HDAC9: variants seen among roughly 807,000 people sequenced by gnomAD.
The protein encoded by HDAC9 is MEF-2 interacting transcription repressor (MITR) protein.
In HDAC9, 41 loss-of-function variants were observed where a neutral mutation model predicts 139.4. That is an observed-to-expected ratio of 0.29 (90% CI 0.23 to 0.38). HDAC9 has a LOEUF of 0.38. HDAC9 is among the 10% of genes least tolerant of loss of function. The pLI is 1.00. For missense variants in HDAC9, 1,147 were observed against 1,297.0 expected (o/e 0.88, Z 1.78); for synonymous variants, 517 against 476.2 (o/e 1.09, Z -1.12).
intron 1 of HDAC9, among the ~76,000 whole-genome samples, chr7:18,346,762 A>C (rs1186632853): frequency 2.0e-5 from 3 of 152,142 alleles, no homozygotes; most frequent in African/African-American, 7.2e-5. Flanking sequence ...GGTATGGTTT[A>C]TTGATGATTC....
At chr7:18,933,786 TAAAC>T (rs539136699) in intron 22 of HDAC9, among the ~76,000 whole-genome samples, 6 of 152,130 alleles carry the variant, frequency 3.9e-5, no homozygotes, top group African/African-American at 1.4e-4. Context: ...AATAAAAACA[TAAAC>T]AAGGAGTTAA....
At chr7:18,836,860 T>C (rs988612985) in intron 21 of HDAC9, among the ~76,000 whole-genome samples, 3 of 152,042 alleles carry the variant, frequency 2.0e-5, no homozygotes, top group African/African-American at 7.2e-5. Context: ...ATTTTTTATT[T>C]AGTTGAAAGC....
At chr7:18,557,954 C>G (rs1819388638) in intron 2 of HDAC9, among the ~76,000 whole-genome samples, 1 of 151,786 alleles carries the variant, frequency 6.6e-6, no homozygotes, top group Non-Finnish European at 1.5e-5. Context: ...ATATAGGAAA[C>G]CTAGAATAAA....
chr7:18,124,543 A>T (rs1784540899), intron 1 of HDAC9, among the ~76,000 whole-genome samples: 1 of 152,164 alleles, frequency 6.6e-6, no homozygotes, highest in Non-Finnish European at 1.5e-5. Flanking sequence ...TTATGTTTTT[A>T]CATGATTCCA....
intron 18 of HDAC9, 122 bp downstream of exon 18, chr7:18,829,338 C>G: frequency 8.9e-7 from 1 of 1,117,902 alleles, no homozygotes; most frequent in Non-Finnish European, 1.4e-6. Flanking sequence ...GCGAGGTACT[C>G]CCAGAAGCAG....
At chr7:18,580,894 T>A (rs756961211) in intron 2 of HDAC9, among the ~76,000 whole-genome samples, 1 of 152,214 alleles carries the variant, frequency 6.6e-6, no homozygotes, top group African/African-American at 2.4e-5. Flanking sequence ...GGTATTGTGT[T>A]ACTATTATTT....
chr7:18,357,182 C>T (rs1170026309), intron 1 of HDAC9, among the ~76,000 whole-genome samples: 1 of 152,030 alleles, frequency 6.6e-6, no homozygotes, highest in Non-Finnish European at 1.5e-5. Flanking sequence ...TTTTAGGTCC[C>T]CCTCACTATG....
intron 2 of HDAC9, among the ~76,000 whole-genome samples, chr7:18,576,555 G>A (rs551428998): frequency 5.9e-5 from 9 of 151,892 alleles, no homozygotes; most frequent in African/African-American, 2.2e-4. Flanking sequence ...CCAGCTACTC[G>A]GGAGGCTGAT....
intron 16 of HDAC9, among the ~76,000 whole-genome samples, chr7:18,782,429 C>A (rs1791323888): frequency 6.6e-6 from 1 of 152,032 alleles, no homozygotes. Context: ...CATCCACTTT[C>A]AGGACAGGTA....
intron 1 of HDAC9, among the ~76,000 whole-genome samples, chr7:18,455,053 T>C (rs1793218134): frequency 1.3e-5 from 2 of 152,104 alleles, no homozygotes; most frequent in Non-Finnish European, 2.9e-5. Context: ...TTTTTCTTTC[T>C]TTTTTCTTTT....
chr7:18,602,584 C>T (rs1834273816), intron 6 of HDAC9, among the ~76,000 whole-genome samples: 1 of 151,842 alleles, frequency 6.6e-6, no homozygotes, highest in South Asian at 2.1e-4. Context: ...ATACACAATG[C>T]TATAAATTTG....
chr7:18,873,091 T>C (rs1471568370), intron 21 of HDAC9, among the ~76,000 whole-genome samples: 1 of 152,186 alleles, frequency 6.6e-6, no homozygotes, highest in African/African-American at 2.4e-5. Flanking sequence ...GTGAATTTAT[T>C]ATGTGTGACA....
At chr7:18,285,771 C>T (rs1797400013), upstream of HDAC9, among the ~76,000 whole-genome samples, 1 of 152,080 alleles carries the variant, frequency 6.6e-6, no homozygotes, top group South Asian at 2.1e-4. Context: ...CATATTTAGA[C>T]ACTTTGTGTT....
chr7:18,637,623 C>T (rs1028591299), intron 8 of HDAC9, among the ~76,000 whole-genome samples: 2 of 152,016 alleles, frequency 1.3e-5, no homozygotes, highest in Non-Finnish European at 1.5e-5. Flanking sequence ...TCTGGAAAGA[C>T]GAGTTCAAAA....
chr7:18,535,655 G>T (rs890184040), intron 2 of HDAC9, among the ~76,000 whole-genome samples: 2 of 138,266 alleles, frequency 1.4e-5, no homozygotes, highest in African/African-American at 5.5e-5. Context: ...ATCAGAAATG[G>T]CTTTGAAACA....
At chr7:18,359,433 T>C (rs961334107) in intron 1 of HDAC9, among the ~76,000 whole-genome samples, 3 of 152,204 alleles carry the variant, frequency 2.0e-5, no homozygotes, top group Non-Finnish European at 4.4e-5. Context: ...CAAACTATCT[T>C]CTTACTTCTT....
intron 1 of HDAC9, among the ~76,000 whole-genome samples, chr7:18,443,703 A>G (rs1157219364): frequency 6.6e-6 from 1 of 152,224 alleles, no homozygotes; most frequent in East Asian, 1.9e-4. Context: ...TTTGTAAAAT[A>G]GAATTCAAGA....
intron 22 of HDAC9, among the ~76,000 whole-genome samples, chr7:18,913,386 T>A (rs1179106811): frequency 1.3e-5 from 2 of 152,130 alleles, no homozygotes; most frequent in East Asian, 3.9e-4. Flanking sequence ...ATCTATCTGA[T>A]GATTATTTAA....
At chr7:18,134,514 C>CAGT (rs1380005308) in intron 1 of HDAC9, among the ~76,000 whole-genome samples, 1 of 152,088 alleles carries the variant, frequency 6.6e-6, no homozygotes, top group Non-Finnish European at 1.5e-5. Flanking sequence ...CTGTTTGAAG[C>CAGT]AGTAGTAACT....
Sources: gnomAD v4.1 joint callset for allele counts (sites outside exome capture counted in the v4.1 genomes callset) on GRCh38, gnomAD v4.1.1 for gene constraint, MANE v1.5 for transcripts, NCBI Gene and HGNC (gene_info 2026-07-23, HGNC 2026-07-21) for gene names.